The following COL6A5 variants were observed in gnomAD, a reference collection of about 807,000 sequenced individuals.
COL6A5 encodes collagen alpha-5(VI) chain.
Under a neutral mutation model 65.6 loss-of-function variants are expected in COL6A5, and 48 were observed. The ratio of observed to expected loss-of-function variants is 0.73; its 90% CI spans 0.58 to 0.93. The LOEUF is 0.93. COL6A5 is among the 40% of genes least tolerant of loss of function. The pLI is 0.00. For missense variants in COL6A5, 914 were observed against 928.3 expected, an observed-to-expected ratio of 0.98 and a Z score of 0.20; for synonymous variants, 291 against 322.8, an observed-to-expected ratio of 0.90 and a Z score of 1.05.
At chr3:130,418,930 A>T (rs1400047574) in exon 25 of COL6A5, 1 of 1,550,714 alleles carries the variant, frequency 6.4e-7, no homozygotes, top group East Asian at 2.4e-5. Context: ...CGAGGAAGAC[A>T]GGTATGAAGT....
chr3:130,468,978 C>T (rs1168571280), exon 6 of COL6A5: 5 of 1,612,716 alleles, frequency 3.1e-6, no homozygotes, highest in Non-Finnish European at 4.2e-6. Context: ...CACATTGCCC[C>T]CACTCCACTG....
chr3:130,454,873 G>A (rs930470162), intron 4 of COL6A5, among the ~76,000 whole-genome samples: 25 of 152,120 alleles, frequency 1.6e-4, no homozygotes, highest in African/African-American at 6.0e-4. Context: ...GGACATGGTG[G>A]CTCACACCTG....
At chr3:130,401,665 C>A (rs2123567) in intron 11 of COL6A5, 97 bp from the exon 12 acceptor site, 3 of 863,434 alleles carry the variant, frequency 3.5e-6, no homozygotes, top group African/African-American at 1.7e-5. Flanking sequence ...TGAAGATGGG[C>A]GTGTAGATGG....
At chr3:130,400,899 C>G in intron 10 of COL6A5, 132 bp from the exon 11 acceptor site, 2 of 696,502 alleles carry the variant, frequency 2.9e-6, no homozygotes, top group South Asian at 5.3e-5. Flanking sequence ...CAGGAGTACT[C>G]CTTCCTCTTA....
At chr3:130,432,064 T>C (rs1188760787) in intron 1 of COL6A5, 115 bp downstream of exon 33, 1 of 1,090,206 alleles carries the variant, frequency 9.2e-7, no homozygotes, top group Non-Finnish European at 1.3e-6. Flanking sequence ...GAAAACTCCT[T>C]TACAGTTTTC....
At chr3:130,413,758 C>T (rs1937253817) in intron 21 of COL6A5, among the ~76,000 whole-genome samples, 178 bp downstream of exon 21, 2 of 151,670 alleles carry the variant, frequency 1.3e-5, no homozygotes, top group African/African-American at 4.8e-5. Flanking sequence ...CAGAACAGAC[C>T]TAAGGAAAAG....
chr3:130,472,477 G>A (rs1709975598), intron 7 of COL6A5, among the ~76,000 whole-genome samples: 1 of 151,900 alleles, frequency 6.6e-6, no homozygotes. Context: ...AACAGGAGAT[G>A]GACAGCCGGA....
intron 7 of COL6A5, among the ~76,000 whole-genome samples, chr3:130,482,404 A>AT (rs1710272974): frequency 6.6e-6 from 1 of 152,094 alleles, no homozygotes; most frequent in African/African-American, 2.4e-5. Context: ...ATTGGTCTAT[A>AT]TATCTGTGTT....
rs1195477633 is a variant in COL6A5, at chr3:130,413,547, A to G, written c.4665A>G (p.Gly1555=). The stretch of plus-strand genomic sequence containing the variant: ...ACAGTTTGCCTTTTCTGTCCCAGGG[A>G]AGAGAAGGTCAAAGGGGACTCCGAG... Residue 1555 remains glycine, a splice_region_variant and synonymous_variant and NMD_transcript_variant, in exon 21 of 42, where the codon GGA becomes GGG. Transcript: ENST00000312481. 6 of 1,548,754 alleles carry G rather than the reference A, an allele frequency of 3.9e-6. No homozygotes were observed. In the African/African-American group the frequency reaches 8.2e-5, roughly 21 times the overall value.
intron 6 of COL6A5, among the ~76,000 whole-genome samples, chr3:130,470,317 T>G (rs918130241): frequency 1.3e-5 from 2 of 152,096 alleles, no homozygotes; most frequent in African/African-American, 4.8e-5. Flanking sequence ...GAATGGTCTC[T>G]GCAGCTCCTG....
chr3:130,407,181 G>A (rs1427604578), intron 17 of COL6A5, among the ~76,000 whole-genome samples: 1 of 152,156 alleles, frequency 6.6e-6, no homozygotes, highest in African/African-American at 2.4e-5. Flanking sequence ...TCCAGACAGA[G>A]GGAGTAGCAT....
In COL6A5 at chr3:130,413,795, G is replaced by A. The variant is rs553669210; in HGVS notation, c.4698+215G>A. Reference sequence around the variant, plus strand: ...CTCCCTGATAGATACCTGGCAGACAGGCAGAACCTGTGCAATTCCAAATAT... The same window carrying A: ...CTCCCTGATAGATACCTGGCAGACAAGCAGAACCTGTGCAATTCCAAATAT... On this transcript the variant is annotated intron_variant and NMD_transcript_variant, in intron 21 of 41. Transcript: ENST00000312481. Among the ~76,000 whole-genome samples, 35 of 147,324 alleles carry A rather than the reference G, an allele frequency of 2.4e-4. 1 individual carries two copies. Among genetic ancestry groups the A allele is most frequent in the South Asian group, 1.7e-3 (8 of 4,600 alleles).
At chr3:130,446,460 A>G (rs142741175) in intron 4 of COL6A5, among the ~76,000 whole-genome samples, 142 of 152,250 alleles carry the variant, frequency 9.3e-4, no homozygotes, top group African/African-American at 3.4e-3. Flanking sequence ...GAGGGATGTT[A>G]TTTTCAGGCT....
chr3:130,431,275 T>C (rs1246558107), upstream of COL6A5: 3 of 713,908 alleles, frequency 4.2e-6, no homozygotes, highest in Non-Finnish European at 7.5e-6. Context: ...ATGCTCTGCA[T>C]TTATGTTAAC....
chr3:130,419,791 C>A (rs1937471524), intron 25 of COL6A5, among the ~76,000 whole-genome samples: 1 of 151,684 alleles, frequency 6.6e-6, no homozygotes, highest in South Asian at 2.1e-4. Flanking sequence ...TCAAAGTATA[C>A]AAAATTTCAA....
rs1032982825 is a variant in COL6A5, at chr3:130,389,275, G to C, written c.2416+141G>C. The C allele has an allele frequency of 1.1e-4, 55 of 483,738 alleles. 1 individual carries two copies. Among genetic ancestry groups the C allele is most frequent in the Admixed American group, 6.4e-4 (16 of 25,152 alleles). 30.0% of individuals were successfully genotyped at this position (483,738 alleles called of 1,614,324 possible). The stretch of plus-strand genomic sequence containing the variant: ...GGTCTTCTTTATGTAATATTAAAAT[G>C]CCTGTGACCTCCAGGAATGTTTCAG... On this transcript the variant is annotated intron_variant and NMD_transcript_variant, in intron 6 of 41. Transcript: ENST00000312481.
In COL6A5 at chr3:130,401,647, C is replaced by T. The variant is rs927367963; in HGVS notation, c.4135-115C>T. The T allele has an allele frequency of 1.6e-4, 124 of 771,538 alleles. 6 individuals carry two copies. In the South Asian group the frequency reaches 1.9e-3, roughly 12 times the overall value. The allele number at this position is 771,538 out of a possible 1,614,324, so 47.8% of individuals were successfully genotyped here. A position where few individuals can be genotyped will look rare whatever the true frequency, so the allele number is the denominator to read the frequency against. ...CCTCTTATTCTCTGCAGCCCCTCATCCAAAGGGTGAAGATGGGCGTGTAGA... is the reference window on the plus strand; with the variant it reads ...CCTCTTATTCTCTGCAGCCCCTCATTCAAAGGGTGAAGATGGGCGTGTAGA... On this transcript the variant is annotated intron_variant and NMD_transcript_variant, in intron 11 of 41. Transcript: ENST00000312481.
At chr3:130,477,788 T>C (rs1710136355) in intron 7 of COL6A5, among the ~76,000 whole-genome samples, 1 of 152,104 alleles carries the variant, frequency 6.6e-6, no homozygotes, top group Non-Finnish European at 1.5e-5. Context: ...TCATTGGATA[T>C]TAATAAGTAT....
intron 29 of COL6A5, 69 bp downstream of exon 29, chr3:130,423,969 A>T: frequency 2.5e-6 from 3 of 1,213,916 alleles, no homozygotes; most frequent in Non-Finnish European, 2.3e-6. Flanking sequence ...AGGGCACAGA[A>T]TTTAAAGTCA....
Sources: allele counts gnomAD v4.1 joint callset (sites outside exome capture counted in the v4.1 genomes callset), GRCh38; gene constraint gnomAD v4.1.1; transcripts MANE v1.5; gene names NCBI Gene and HGNC (gene_info 2026-07-23, HGNC 2026-07-21).